The following LDAH variants were observed in gnomAD, a reference collection of about 807,000 sequenced individuals.
The protein encoded by LDAH is lipid droplet associated hydrolase, also known as lipid droplet-associated hydrolase.
In LDAH, 26 loss-of-function variants were observed where a neutral mutation model predicts 29.6. The observed-to-expected ratio is 0.88, with a 90% CI of 0.64 to 1.22. The LOEUF (loss-of-function observed/expected upper bound fraction) is 1.22. LDAH is among the 50% of genes most tolerant of loss of function. The pLI is 0.00. For missense variants in LDAH, 344 were observed against 387.3 expected (o/e 0.89, Z 0.94); for synonymous variants, 117 against 133.0 (o/e 0.88, Z 0.83).
At position 20,800,624 on chromosome 2, in the gene LDAH, T is replaced by A. The variant is rs539300286; in HGVS notation, c.154+686A>T. Among the ~76,000 whole-genome samples, 19 of 135,930 alleles carry A rather than the reference T, an allele frequency of 1.4e-4. 1 individual carries two copies. The South Asian group carries it at 3.0e-3, about 22-fold the overall frequency. The allele number at this position is 135,930 out of a possible 152,430, so 89.2% of individuals were successfully genotyped here. A position where few individuals can be genotyped will look rare whatever the true frequency, so the allele number is the denominator to read the frequency against. On this transcript the variant is annotated intron_variant, in intron 2 of 6. Transcript: ENST00000237822. ...TTCTAATTTTTAATTTTTATTTTTT[T>A]ATTTTTTATTTTTTTAAATATTTTT...
intron 5 of LDAH, among the ~76,000 whole-genome samples, chr2:20,723,323 T>C (rs1271274099): frequency 2.0e-5 from 3 of 152,144 alleles, no homozygotes; most frequent in Non-Finnish European, 4.4e-5. Flanking sequence ...GTAAGTGAGA[T>C]GGGCAGAAGC....
At chr2:20,739,405 G>A (rs1667021937) in intron 5 of LDAH, among the ~76,000 whole-genome samples, 1 of 152,260 alleles carries the variant, frequency 6.6e-6, no homozygotes, top group East Asian at 1.9e-4. Flanking sequence ...TAAAAAGATA[G>A]ACTACATTTT....
Position 20,715,530 on chromosome 2 carries a change from G to C in LDAH, c.704-13878C>G, listed in dbSNP as rs530736339. Reference sequence around the variant, plus strand: ...AACATAGTGTTGGAAGTTCTGGCCAGGGCAATCAGGCAGGAGAAAGAAATA... The same window carrying C: ...AACATAGTGTTGGAAGTTCTGGCCACGGCAATCAGGCAGGAGAAAGAAATA... On this transcript the variant is annotated intron_variant, in intron 5 of 6. Transcript: ENST00000237822. 6.6e-5 allele frequency among the ~76,000 whole-genome samples: 10 copies of C among 152,274 alleles called. No homozygotes were observed. The East Asian group carries it at 1.7e-3, about 26-fold the overall frequency.
rs376767809 is a variant in LDAH, at chr2:20,822,591, G to C, written c.-3+446C>G. On this transcript the variant is annotated intron_variant, in intron 1 of 6. Transcript: ENST00000237822. ...GGAACAAAACCAAACTAAGACCCAA[G>C]GATGAGGGTTTACGGTTAAGGTCTT... Among the ~76,000 whole-genome samples, 42 of 152,304 alleles carry C rather than the reference G, an allele frequency of 2.8e-4. No individual in the cohort carries two copies. In the South Asian group the frequency reaches 7.7e-3, roughly 28 times the overall value.
intron 4 of LDAH, among the ~76,000 whole-genome samples, chr2:20,742,163 G>A (rs1365784500): frequency 1.3e-5 from 2 of 152,156 alleles, no homozygotes; most frequent in African/African-American, 4.8e-5. Flanking sequence ...TCTGAGAGCA[G>A]GCATTATATA....
intron 5 of LDAH, among the ~76,000 whole-genome samples, chr2:20,714,954 C>A: frequency 6.6e-6 from 1 of 152,162 alleles, no homozygotes; most frequent in Non-Finnish European, 1.5e-5. Flanking sequence ...ACCAGAGGTA[C>A]AAAGAGGAGC....
intron 1 of LDAH, among the ~76,000 whole-genome samples, chr2:20,803,041 GC>G (rs1671815149): frequency 6.6e-6 from 1 of 152,134 alleles, no homozygotes. Context: ...GAGACAATTT[GC>G]CCTCAGAGGA....
chr2:20,697,125 A>C (rs752112176), intron 6 of LDAH, among the ~76,000 whole-genome samples: 2 of 152,116 alleles, frequency 1.3e-5, no homozygotes, highest in Admixed American at 1.3e-4. Flanking sequence ...ATCCACTTGC[A>C]TGTCCCACTG....
intron 5 of LDAH, among the ~76,000 whole-genome samples, chr2:20,711,886 G>A (rs975290358): frequency 6.6e-6 from 1 of 152,234 alleles, no homozygotes; most frequent in Non-Finnish European, 1.5e-5. Flanking sequence ...CGGCCAGAAA[G>A]CTCAAACAGG....
chr2:20,722,246 C>T (rs867646014), intron 5 of LDAH, among the ~76,000 whole-genome samples: 3 of 151,784 alleles, frequency 2.0e-5, no homozygotes, highest in Non-Finnish European at 2.9e-5. Context: ...TGGTGGTGTG[C>T]GCCTGCAATC....
intron 1 of LDAH, among the ~76,000 whole-genome samples, chr2:20,812,080 G>C (rs1421576198): frequency 6.6e-6 from 1 of 152,066 alleles, no homozygotes; most frequent in Non-Finnish European, 1.5e-5. Flanking sequence ...TGTAAAAGAA[G>C]GGAATTTAGT....
chr2:20,697,965 T>TA (rs552396997), intron 6 of LDAH, among the ~76,000 whole-genome samples: 4 of 151,896 alleles, frequency 2.6e-5, no homozygotes, highest in South Asian at 4.2e-4. Context: ...CATTACAAAT[T>TA]AAAAAAAAAT....
chr2:20,783,241 T>C (rs1670327618), intron 3 of LDAH, among the ~76,000 whole-genome samples: 1 of 152,222 alleles, frequency 6.6e-6, no homozygotes, highest in African/African-American at 2.4e-5. Context: ...GCCCGGAATG[T>C]AGTCTATCTT....
At chr2:20,763,372 T>A (rs1466866319) in intron 4 of LDAH, among the ~76,000 whole-genome samples, 2 of 152,244 alleles carry the variant, frequency 1.3e-5, no homozygotes, top group African/African-American at 4.8e-5. Context: ...AAAGCTTAGG[T>A]AGGTGGTTCT....
chr2:20,720,054 G>T (rs1421818504), intron 5 of LDAH, among the ~76,000 whole-genome samples: 1 of 152,012 alleles, frequency 6.6e-6, no homozygotes, highest in Non-Finnish European at 1.5e-5. Flanking sequence ...CATCTAACAA[G>T]ACAAGATGCC....
chr2:20,699,153 T>C (rs1008529830), intron 6 of LDAH, among the ~76,000 whole-genome samples: 1 of 152,208 alleles, frequency 6.6e-6, no homozygotes. Context: ...GGAAATGATT[T>C]TTCAACAAAA....
At chr2:20,819,630 A>C (rs1215444156) in intron 1 of LDAH, among the ~76,000 whole-genome samples, 1 of 152,216 alleles carries the variant, frequency 6.6e-6, no homozygotes, top group African/African-American at 2.4e-5. Flanking sequence ...AATAAGAGCT[A>C]TTTATGACAA....
chr2:20,802,573 G>A lies in LDAH; in HGVS notation c.-2-1108C>T, dbSNP rs1671782334. Among the ~76,000 whole-genome samples the A allele has an allele frequency of 2.6e-5, 4 of 152,168 alleles. No individual in the cohort carries two copies. The South Asian group carries it at 8.3e-4, about 32-fold the overall frequency. ...ATCTCAAACCTTCATTGGTCTTTCTGTCTTTCTCTTCCCCTCTCTTCCACT... is the reference window on the plus strand; with the variant it reads ...ATCTCAAACCTTCATTGGTCTTTCTATCTTTCTCTTCCCCTCTCTTCCACT... On this transcript the variant is annotated intron_variant, in intron 1 of 6. Coordinates refer to ENST00000237822, the MANE Select transcript of LDAH (RefSeq NM_021925.4).
At chr2:20,775,373 G>C (rs1011221274) in intron 3 of LDAH, among the ~76,000 whole-genome samples, 1 of 152,096 alleles carries the variant, frequency 6.6e-6, no homozygotes, top group African/African-American at 2.4e-5. Flanking sequence ...CCCCTTAAAG[G>C]CTTGTTAAAA....
Sources: allele counts gnomAD v4.1 joint callset (sites outside exome capture counted in the v4.1 genomes callset), GRCh38; gene constraint gnomAD v4.1.1; transcripts MANE v1.5; gene names NCBI Gene and HGNC (gene_info 2026-07-23, HGNC 2026-07-21).